RALGPS2: variants seen among roughly 807,000 people sequenced by gnomAD.
RALGPS2 encodes ras-specific guanine nucleotide-releasing factor RalGPS2.
Under a neutral mutation model 86.8 loss-of-function variants are expected in RALGPS2, and 43 were observed. The ratio of observed to expected loss-of-function variants is 0.50; its 90% CI spans 0.39 to 0.64. The LOEUF (loss-of-function observed/expected upper bound fraction) is 0.64, where lower values mean the gene tolerates loss of function less well. RALGPS2 is among the 30% of genes least tolerant of loss of function. The pLI is 0.00. For synonymous variants in RALGPS2, 243 were observed against 231.3 expected (o/e 1.05, Z -0.46); for missense variants, 536 against 694.6 (o/e 0.77, Z 2.57).
intron 1 of RALGPS2, among the ~76,000 whole-genome samples, chr1:178,745,725 G>T (rs898408985): frequency 2.0e-5 from 3 of 150,178 alleles, no homozygotes; most frequent in African/African-American, 7.3e-5. Flanking sequence ...ATTATTTTTA[G>T]TTACAACACC....
In RALGPS2 at chr1:178,874,611, C is replaced by T. The variant is rs116266576; in HGVS notation, c.608-2887C>T. 3.3e-3 allele frequency among the ~76,000 whole-genome samples: 502 copies of T among 152,300 alleles called. 5 individuals are homozygous for T. Among genetic ancestry groups the T allele is most frequent in the African/African-American group, 0.011 (445 of 41,562 alleles). On this transcript the variant is annotated intron_variant, in intron 8 of 19. Coordinates refer to ENST00000367635, the MANE Select transcript of RALGPS2 (RefSeq NM_152663.5). ...AATTCTTATGAAACTCCTGTTTAAA[C>T]TTTTCTGTGCTACTTTTTTATATCT...
chr1:178,733,820 C>G (rs1004970013), intron 1 of RALGPS2, among the ~76,000 whole-genome samples: 1 of 152,110 alleles, frequency 6.6e-6, no homozygotes, highest in African/African-American at 2.4e-5. Flanking sequence ...AGGATTCTTA[C>G]GTATGACACA....
intron 19 of RALGPS2, among the ~76,000 whole-genome samples, chr1:178,914,044 C>G (rs1271177137): frequency 1.3e-5 from 2 of 152,144 alleles, no homozygotes; most frequent in Non-Finnish European, 2.9e-5. Context: ...TGTGCCTGCT[C>G]CCATGGGAGT....
At chr1:178,791,597 A>G (rs1653959979) in intron 4 of RALGPS2, among the ~76,000 whole-genome samples, 1 of 152,220 alleles carries the variant, frequency 6.6e-6, no homozygotes. Context: ...TGAACCACGC[A>G]AGTCTCAGCT....
chr1:178,806,598 CTT>C (rs1654759260), intron 4 of RALGPS2, among the ~76,000 whole-genome samples: 1 of 152,042 alleles, frequency 6.6e-6, no homozygotes, highest in Non-Finnish European at 1.5e-5. Context: ...TCAAATTTCT[CTT>C]ATATTTTTTA....
intron 4 of RALGPS2, 49 bp downstream of exon 4, chr1:178,785,656 T>G: frequency 6.6e-7 from 1 of 1,520,016 alleles, no homozygotes; most frequent in Non-Finnish European, 8.8e-7. Flanking sequence ...ACGATCAATC[T>G]CAAATTAAGT....
chr1:178,885,054 T>G (rs758512670), intron 11 of RALGPS2, 22 bp from the exon 12 acceptor site: 1 of 1,548,596 alleles, frequency 6.5e-7, no homozygotes, highest in African/African-American at 1.4e-5. Context: ...CATTTGAAAA[T>G]CTCTTTAAAT....
At chr1:178,773,733 T>G (rs903006432) in intron 1 of RALGPS2, among the ~76,000 whole-genome samples, 4 of 151,116 alleles carry the variant, frequency 2.6e-5, no homozygotes, top group African/African-American at 7.3e-5. Context: ...GAGATGGAGC[T>G]TGCAGTGAGC....
chr1:178,859,829 C>CA (rs1236947933), intron 8 of RALGPS2, among the ~76,000 whole-genome samples: 2 of 86,190 alleles, frequency 2.3e-5, no homozygotes, highest in African/African-American at 4.1e-5. Context: ...CGCCCCCCCC[C>CA]CCCCAACCGC....
At chr1:178,766,566 A>G (rs1652518313) in intron 1 of RALGPS2, among the ~76,000 whole-genome samples, 1 of 152,118 alleles carries the variant, frequency 6.6e-6, no homozygotes. Flanking sequence ...TAACCAATAC[A>G]TAGGCCCACA....
chr1:178,880,064 A>G (rs757554047), intron 10 of RALGPS2, among the ~76,000 whole-genome samples: 2 of 152,188 alleles, frequency 1.3e-5, no homozygotes, highest in South Asian at 2.1e-4. Context: ...TTATTATCCC[A>G]TTTGTTCGCA....
chr1:178,777,863 C>T (rs1653177020), intron 2 of RALGPS2, among the ~76,000 whole-genome samples: 1 of 146,216 alleles, frequency 6.8e-6, no homozygotes, highest in Non-Finnish European at 1.5e-5. Flanking sequence ...AAACTGGATC[C>T]CTTCCTTACA....
At position 178,875,746 on chromosome 1, in the gene RALGPS2, GA is replaced by G. The variant is rs558495006; in HGVS notation, c.608-1742del. ...CTGTGACAGAGCAAGACTCTTTCTT[GA>G]AAAAAAAAATGGTTTAAAAAAAAAT... On this transcript the variant is annotated intron_variant, in intron 8 of 19. Coordinates refer to ENST00000367635, the MANE Select transcript of RALGPS2 (RefSeq NM_152663.5). 1.6e-4 allele frequency among the ~76,000 whole-genome samples: 24 copies of G among 148,428 alleles called. No homozygotes were observed. The South Asian group carries it at 3.2e-3, about 20-fold the overall frequency.
At chr1:178,737,380 G>C (rs566729023) in intron 1 of RALGPS2, among the ~76,000 whole-genome samples, 262 of 152,236 alleles carry the variant, frequency 1.7e-3, no homozygotes, top group African/African-American at 6.0e-3. Context: ...CGAGTAGCTG[G>C]GATTACAGGC....
At chr1:178,888,206 A>G (rs1377278821) in intron 13 of RALGPS2, among the ~76,000 whole-genome samples, 1 of 152,196 alleles carries the variant, frequency 6.6e-6, no homozygotes, top group African/African-American at 2.4e-5. Context: ...ATTGCATCCT[A>G]GTTTGTAAAC....
chr1:178,765,104 C>G (rs953661237), intron 1 of RALGPS2, among the ~76,000 whole-genome samples: 40 of 151,920 alleles, frequency 2.6e-4, no homozygotes, highest in African/African-American at 8.7e-4. Context: ...GCAGCCTGTA[C>G]AACCAGAGCC....
chr1:178,905,435 G>C (rs1218387329), intron 18 of RALGPS2, among the ~76,000 whole-genome samples: 1 of 152,174 alleles, frequency 6.6e-6, no homozygotes, highest in African/African-American at 2.4e-5. Flanking sequence ...CTTTATTGTA[G>C]ATATGGCTTT....
In RALGPS2 at chr1:178,808,042, C is replaced by T; in HGVS notation, c.214-3C>T. 1.3e-6 allele frequency: 2 copies of T among 1,596,132 alleles called. No homozygotes were observed. The highest frequency in any genetic ancestry group is 1.7e-6 in the Non-Finnish European group (2 of 1,165,120). On this transcript the variant is annotated splice_region_variant and splice_polypyrimidine_tract_variant and intron_variant, in intron 4 of 19. Coordinates refer to ENST00000367635, the MANE Select transcript of RALGPS2 (RefSeq NM_152663.5). ...AAATTTAATTTTCACCTTAATTTTC[C>T]AGGAGCTTTCAAGTTGTGGATGGAA...
chr1:178,741,325 G>A (rs1010484338), intron 1 of RALGPS2, among the ~76,000 whole-genome samples: 14 of 152,190 alleles, frequency 9.2e-5, no homozygotes, highest in Non-Finnish European at 1.8e-4. Flanking sequence ...ACTTGCCCAA[G>A]GTTATACAAT....
Sources: gnomAD v4.1 joint callset for allele counts (sites outside exome capture counted in the v4.1 genomes callset) on GRCh38, gnomAD v4.1.1 for gene constraint, MANE v1.5 for transcripts, NCBI Gene and HGNC (gene_info 2026-07-23, HGNC 2026-07-21) for gene names.